The following FRYL variants were observed in gnomAD, a reference collection of about 807,000 sequenced individuals.
FRYL encodes FRY like transcription coactivator, also known as protein furry homolog-like.
Under a neutral mutation model 351.2 loss-of-function variants are expected in FRYL, and 150 were observed. That is an observed-to-expected ratio of 0.43 (90% CI 0.37 to 0.49). FRYL has a LOEUF of 0.49. Ranked by LOEUF, FRYL falls within the 20% of genes least tolerant of loss-of-function variation. The pLI is 0.00. For missense variants in FRYL, 3,036 were observed against 3,619.3 expected (o/e 0.84, Z 4.13); for synonymous variants, 1,153 against 1,257.1 (o/e 0.92, Z 1.75).
chr4:48,511,963 C>A (rs767325662), intron 57 of FRYL, among the ~76,000 whole-genome samples: 1 of 152,150 alleles, frequency 6.6e-6, no homozygotes, highest in Non-Finnish European at 1.5e-5. Context: ...GGTGTCAGAA[C>A]ACTTACCGTA....
intron 2 of FRYL, among the ~76,000 whole-genome samples, chr4:48,702,526 A>C (rs2149577650): frequency 6.9e-6 from 1 of 144,926 alleles, no homozygotes; most frequent in African/African-American, 2.5e-5. Flanking sequence ...TTGTAATCCC[A>C]GCACTTTGGG....
chr4:48,687,204 T>A (rs561437595), intron 2 of FRYL, among the ~76,000 whole-genome samples: 2 of 152,272 alleles, frequency 1.3e-5, no homozygotes, highest in East Asian at 3.9e-4. Flanking sequence ...AAAATATTAT[T>A]TTGAGACAGT....
At chr4:48,654,298 C>CAAAAAA (rs34418324) in intron 3 of FRYL, among the ~76,000 whole-genome samples, 21 of 123,248 alleles carry the variant, frequency 1.7e-4, no homozygotes, top group East Asian at 2.3e-4. Flanking sequence ...AATAGCTGAT[C>CAAAAAA]AAAAAAAAAA....
chr4:48,570,148 C>CT lies in FRYL; in HGVS notation c.2996+678dup, dbSNP rs553102649. Among the ~76,000 whole-genome samples, 267 of 152,202 alleles carry CT rather than the reference C, an allele frequency of 1.8e-3. 3 individuals are homozygous for CT. Among genetic ancestry groups the CT allele is most frequent in the Non-Finnish European group, 3.1e-3 (210 of 68,004 alleles). On this transcript the variant is annotated intron_variant, in intron 27 of 63. Coordinates refer to ENST00000358350, the MANE Select transcript of FRYL (RefSeq NM_015030.2). ...TTCCTTAAGATATCTTTTCAGTGAC[C>CT]TTTTTGGATATGGTCACATCTATTA...
chr4:48,584,821 C>T (rs764090617), intron 19 of FRYL, among the ~76,000 whole-genome samples: 3 of 152,082 alleles, frequency 2.0e-5, no homozygotes, highest in Non-Finnish European at 4.4e-5. Context: ...TTGTTTGCTT[C>T]CTTTATGGTA....
At chr4:48,586,198 T>C (rs79519956) in intron 19 of FRYL, among the ~76,000 whole-genome samples, 3,653 of 152,046 alleles carry the variant, frequency 0.024, 64 homozygotes, top group Admixed American at 0.045. Context: ...AGTTCTGCCA[T>C]AGGGGGAAAA....
intron 3 of FRYL, among the ~76,000 whole-genome samples, chr4:48,640,691 T>C (rs1426774436): frequency 2.0e-5 from 3 of 152,248 alleles, no homozygotes; most frequent in East Asian, 3.9e-4. Context: ...GTAACAAACA[T>C]ACCACACTAA....
intron 3 of FRYL, among the ~76,000 whole-genome samples, chr4:48,654,223 C>G (rs993916413): frequency 6.8e-6 from 1 of 147,004 alleles, no homozygotes; most frequent in Non-Finnish European, 1.5e-5. Flanking sequence ...CACTAAGAGC[C>G]TTAGAAATTT....
chr4:48,756,139 G>A lies in FRYL; in HGVS notation c.-384+23939C>T, dbSNP rs1171023637. ...TCCCAGGTGCTCAGGAGGCCGAGGC[G>A]GGAAGAATTGGTTGAGCTGGGAGGT... is the stretch of plus-strand genomic sequence containing the variant. On this transcript the variant is annotated intron_variant, in intron 1 of 63. Transcript: ENST00000358350. Among the ~76,000 whole-genome samples, 5 of 151,482 alleles carry A rather than the reference G, an allele frequency of 3.3e-5. No homozygotes were observed. In the South Asian group the frequency reaches 6.2e-4, roughly 19 times the overall value.
At chr4:48,517,117 T>G (rs1379198078) in intron 55 of FRYL, among the ~76,000 whole-genome samples, 1 of 152,192 alleles carries the variant, frequency 6.6e-6, no homozygotes, top group Non-Finnish European at 1.5e-5. Flanking sequence ...TTCCACCAGT[T>G]TATATTCAAT....
At chr4:48,581,700 AT>A in intron 20 of FRYL, 95 bp from the exon 21 acceptor site, 5 of 1,000,366 alleles carry the variant, frequency 5.0e-6, no homozygotes, top group Non-Finnish European at 7.2e-6. Context: ...CATAGTGATT[AT>A]GACTACCGGT....
At chr4:48,756,909 C>G (rs192090128) in intron 1 of FRYL, among the ~76,000 whole-genome samples, 1 of 152,294 alleles carries the variant, frequency 6.6e-6, no homozygotes, top group African/African-American at 2.4e-5. Flanking sequence ...GATTGCGCCA[C>G]TGCACTCCAG....
At chr4:48,708,977 G>A (rs550459750) in intron 2 of FRYL, among the ~76,000 whole-genome samples, 25 of 146,298 alleles carry the variant, frequency 1.7e-4, no homozygotes, top group South Asian at 4.3e-4. Context: ...GGCTGGATGC[G>A]GTGGCGCGAT....
chr4:48,671,571 G>A (rs952922296), intron 3 of FRYL, among the ~76,000 whole-genome samples: 3 of 152,102 alleles, frequency 2.0e-5, no homozygotes, highest in Admixed American at 6.5e-5. Flanking sequence ...GGAGGCTGAG[G>A]CAGGAGAATC....
chr4:48,761,872 A>G (rs2109372990), intron 1 of FRYL, among the ~76,000 whole-genome samples: 1 of 152,298 alleles, frequency 6.6e-6, no homozygotes, highest in East Asian at 1.9e-4. Flanking sequence ...ACAATGACAA[A>G]AGTCACTAAG....
chr4:48,713,293 A>C (rs995890225), intron 1 of FRYL, among the ~76,000 whole-genome samples: 6 of 152,170 alleles, frequency 3.9e-5, no homozygotes, highest in African/African-American at 1.2e-4. Flanking sequence ...ATGTAAATGG[A>C]CTAAATGATC....
intron 33 of FRYL, among the ~76,000 whole-genome samples, chr4:48,560,488 C>T (rs1470526594): frequency 3.9e-5 from 6 of 152,154 alleles, no homozygotes; most frequent in African/African-American, 1.2e-4. Flanking sequence ...TACCAGCACA[C>T]ATCCTAGGCG....
chr4:48,540,696 C>G lies in FRYL; in HGVS notation c.5952G>C (p.Glu1984Asp), dbSNP rs1164781663. ...ARTRSLSSLREKGMYDVQSTT... is the reference protein window; with the variant it reads ...ARTRSLSSLRDKGMYDVQSTT... Reference sequence around the variant, plus strand: ...TGGACTGCACGTCATACATTCCTTTCTCTCTTAGAGAGGAAAGGCTTCTAG... The same window carrying G: ...TGGACTGCACGTCATACATTCCTTTGTCTCTTAGAGAGGAAAGGCTTCTAG... The change falls in exon 46 of 64, where the codon GAG (glutamate) becomes GAC (aspartate). Residue 1984 changes from glutamate to aspartate, a missense_variant. Physicochemically the swap from Glu to Asp is conservative, Grantham distance 45. Around this residue, in one of 7 missense-constraint regions of FRYL, gnomAD observed 1,987 missense variants for 2,311.7 expected, o/e 0.86. Transcript: ENST00000358350. The G allele has an allele frequency of 1.2e-6, 2 of 1,614,072 alleles. No homozygotes were observed.
chr4:48,589,666 G>A (rs1742853340), intron 18 of FRYL, 79 bp downstream of exon 18: 4 of 1,346,968 alleles, frequency 3.0e-6, no homozygotes, highest in Admixed American at 2.0e-5. Flanking sequence ...GACCAAGTAA[G>A]GAGACAGGTA....
Sources: allele counts gnomAD v4.1 joint callset (sites outside exome capture counted in the v4.1 genomes callset), GRCh38; gene constraint gnomAD v4.1.1; regional missense constraint gnomAD v4.1.1; transcripts MANE v1.5; gene names NCBI Gene and HGNC (gene_info 2026-07-23, HGNC 2026-07-21).